The following GLRA2 variants were observed in gnomAD, a reference collection of about 807,000 sequenced individuals.
GLRA2 encodes glycine receptor alpha 2.
GLRA2 carries 11 observed loss-of-function variants against 31.6 expected under a neutral mutation model. The observed-to-expected ratio is 0.35, with a 90% CI of 0.22 to 0.58. The LOEUF is 0.58. Among genes scored for constraint, GLRA2 ranks in the 20% least tolerant of loss-of-function variants. The pLI, the probability that GLRA2 is intolerant of heterozygous loss-of-function variation, is 0.84. For missense variants in GLRA2, 212 were observed against 351.8 expected, an observed-to-expected ratio of 0.60 and a Z score of 3.18; for synonymous variants, 132 against 134.0, an observed-to-expected ratio of 0.99 and a Z score of 0.10.
the GLRA2 span, among the ~76,000 whole-genome samples, chrX:14,473,650 A>G: frequency 3.6e-5 from 4 of 111,152 alleles, no homozygotes; most frequent in Non-Finnish European, 5.7e-5. Context: ...TCTTCTATGC[A>G]CCCATCTCAT....
intron 2 of GLRA2, among the ~76,000 whole-genome samples, chrX:14,568,113 A>G (rs776462139): frequency 1.6e-4 from 18 of 111,926 alleles, no homozygotes; most frequent in African/African-American, 5.8e-4. Context: ...TTTTGGCAGA[A>G]GTGGAAAACT....
chrX:14,557,357 C>T (rs1270630441), intron 2 of GLRA2, among the ~76,000 whole-genome samples: 5 of 110,104 alleles, frequency 4.5e-5, no homozygotes, highest in Non-Finnish European at 9.5e-5. Context: ...CCTCGTGATC[C>T]GCCCGCCTCG....
intron 4 of GLRA2, among the ~76,000 whole-genome samples, chrX:14,591,795 G>C (rs1162072663): frequency 8.9e-6 from 1 of 112,102 alleles, no homozygotes; most frequent in African/African-American, 3.2e-5. Context: ...CAGCTAGCAT[G>C]ACCACTTGTC....
In GLRA2 at chrX:14,650,367, GA is replaced by G. The variant is rs750896033; in HGVS notation, c.931-40332del. On this transcript the variant is annotated intron_variant, in intron 7 of 8. Coordinates refer to ENST00000218075, the MANE Select transcript of GLRA2 (RefSeq NM_002063.4). ...TGGTGTGCAAATTAAGTTCTGTTCA[GA>G]AAAAAAAAAACAAAATCCCTGTTTC... Among the ~76,000 whole-genome samples the G allele has an allele frequency of 7.0e-4, 71 of 101,079 alleles. 1 individual carries two copies. In the East Asian group the frequency reaches 0.014, roughly 20 times the overall value. 87.8% of individuals were successfully genotyped at this position (101,079 alleles called of 115,157 possible). A position where few individuals can be genotyped will look rare whatever the true frequency, so the allele number is the denominator to read the frequency against.
the GLRA2 span, among the ~76,000 whole-genome samples, chrX:14,493,706 CACATGTATACATATATACGTGT>C: frequency 4.4e-5 from 4 of 90,141 alleles, no homozygotes; most frequent in African/African-American, 1.4e-4. Context: ...TATATGTATA[CACATGTATACATATATACGTGT>C]ATATGTATAC....
At chrX:14,455,811 GT>G in the GLRA2 span, among the ~76,000 whole-genome samples, 1 of 111,848 alleles carries the variant, frequency 8.9e-6, no homozygotes, top group Non-Finnish European at 1.9e-5. Flanking sequence ...TATGTAAATT[GT>G]TTTTTGATAT....
At chrX:14,575,543 C>G in intron 3 of GLRA2, among the ~76,000 whole-genome samples, 1 of 110,509 alleles carries the variant, frequency 9.0e-6, no homozygotes, top group Non-Finnish European at 1.9e-5. Flanking sequence ...CACACTGAAA[C>G]TTCAAACTCC....
chrX:14,665,139 G>A (rs939830719), intron 7 of GLRA2, among the ~76,000 whole-genome samples: 13 of 111,983 alleles, frequency 1.2e-4, no homozygotes, highest in African/African-American at 3.9e-4. Context: ...CTTTTGCAAT[G>A]AAAATTCCAA....
At chrX:14,590,286 T>A (rs2090132343) in intron 4 of GLRA2, among the ~76,000 whole-genome samples, 1 of 111,240 alleles carries the variant, frequency 9.0e-6, no homozygotes, top group African/African-American at 3.3e-5. Flanking sequence ...TTCCCTCTGA[T>A]GATAGATTAC....
At chrX:14,451,413 C>A in the GLRA2 span, among the ~76,000 whole-genome samples, 1 of 110,141 alleles carries the variant, frequency 9.1e-6, no homozygotes, top group Non-Finnish European at 1.9e-5. Context: ...GGTGGATTGC[C>A]TGAGCTCAGG....
intron 8 of GLRA2, 65 bp downstream of exon 8, chrX:14,690,924 G>T (rs1193390856): frequency 2.8e-6 from 3 of 1,086,374 alleles, no homozygotes; most frequent in Non-Finnish European, 2.5e-6. Context: ...ATGTAATTCA[G>T]AAAACAGAAG....
the GLRA2 span, among the ~76,000 whole-genome samples, chrX:14,520,966 CAG>C: frequency 8.9e-6 from 1 of 112,483 alleles, no homozygotes; most frequent in Admixed American, 9.4e-5. Flanking sequence ...TCTAATCCAA[CAG>C]AGTGGGCTCT....
intron 8 of GLRA2, among the ~76,000 whole-genome samples, chrX:14,715,643 G>A (rs1019777000): frequency 1.3e-4 from 14 of 111,681 alleles, no homozygotes; most frequent in African/African-American, 3.6e-4. Flanking sequence ...ATAGAATAAT[G>A]GCAGAGTAGA....
intron 7 of GLRA2, among the ~76,000 whole-genome samples, chrX:14,635,408 C>T (rs2090700117): frequency 9.0e-6 from 1 of 111,619 alleles, no homozygotes. Flanking sequence ...TGGAATCTGA[C>T]CACACACATG....
At chrX:14,553,558 C>G (rs964378627) in intron 2 of GLRA2, among the ~76,000 whole-genome samples, 3 of 110,864 alleles carry the variant, frequency 2.7e-5, no homozygotes, top group Non-Finnish European at 5.7e-5. Flanking sequence ...TTTGGTATTC[C>G]CAGGAGCTTA....
intron 7 of GLRA2, among the ~76,000 whole-genome samples, chrX:14,621,913 T>G (rs2090524019): frequency 8.9e-6 from 1 of 112,180 alleles, no homozygotes; most frequent in East Asian, 2.8e-4. Context: ...TATTTCTAGT[T>G]CTAGATCCTT....
At chrX:14,557,241 G>C (rs899915830) in intron 2 of GLRA2, among the ~76,000 whole-genome samples, 1 of 102,157 alleles carries the variant, frequency 9.8e-6, no homozygotes, top group Non-Finnish European at 2.0e-5. Context: ...TCAGCCTCCC[G>C]AGTAGCTGGG....
chrX:14,453,303 A>G, the GLRA2 span, among the ~76,000 whole-genome samples: 1 of 111,273 alleles, frequency 9.0e-6, no homozygotes, highest in Admixed American at 9.6e-5. Flanking sequence ...TTTGATTTTA[A>G]TAAAGGCAAG....
intron 2 of GLRA2, among the ~76,000 whole-genome samples, chrX:14,556,588 C>A (rs1601707756): frequency 9.0e-6 from 1 of 111,715 alleles, no homozygotes. Context: ...TTCCATTTAG[C>A]CTCTGAGATC....
Sources: gnomAD v4.1 joint callset for allele counts (sites outside exome capture counted in the v4.1 genomes callset) on GRCh38, gnomAD v4.1.1 for gene constraint, MANE v1.5 for transcripts, NCBI Gene and HGNC (gene_info 2026-07-23, HGNC 2026-07-21) for gene names.